PTPRG: variants seen among roughly 807,000 people sequenced by gnomAD.
The protein encoded by PTPRG is receptor-type tyrosine-protein phosphatase gamma.
PTPRG carries 102 observed loss-of-function variants against 165.3 expected under a neutral mutation model. That is an observed-to-expected ratio of 0.62 (90% CI 0.53 to 0.73). The LOEUF (loss-of-function observed/expected upper bound fraction) is 0.73, where lower values mean the gene tolerates loss of function less well. Among genes scored for constraint, PTPRG ranks in the 30% least tolerant of loss-of-function variants. The pLI is 0.00. For missense variants in PTPRG, 1,866 were observed against 1,861.4 expected (o/e 1.00, Z -0.05); for synonymous variants, 675 against 669.5 (o/e 1.01, Z -0.13).
At chr3:62,013,122 TA>T (rs1391489031) in intron 4 of PTPRG, among the ~76,000 whole-genome samples, 1 of 152,176 alleles carries the variant, frequency 6.6e-6, no homozygotes, top group Admixed American at 6.5e-5. Flanking sequence ...ATATTTACTA[TA>T]AAAGAAATTC....
At chr3:62,291,634 A>G (rs1037253767) in intron 28 of PTPRG, among the ~76,000 whole-genome samples, 1 of 152,178 alleles carries the variant, frequency 6.6e-6, no homozygotes, top group African/African-American at 2.4e-5. Flanking sequence ...AAGTTTTTCA[A>G]AAAACAATGG....
intron 1 of PTPRG, among the ~76,000 whole-genome samples, chr3:61,591,558 G>C (rs536040798): frequency 6.6e-6 from 1 of 152,278 alleles, no homozygotes; most frequent in Non-Finnish European, 1.5e-5. Context: ...GAGGGAAAAG[G>C]GACCAGTGGC....
chr3:61,919,763 C>T (rs773437288), intron 2 of PTPRG, among the ~76,000 whole-genome samples: 1 of 152,062 alleles, frequency 6.6e-6, no homozygotes, highest in Non-Finnish European at 1.5e-5. Context: ...TTCTACCTAG[C>T]CATAGAGTTT....
chr3:61,630,949 G>A (rs968329891), intron 1 of PTPRG, among the ~76,000 whole-genome samples: 1 of 151,994 alleles, frequency 6.6e-6, no homozygotes, highest in South Asian at 2.1e-4. Flanking sequence ...CCAGCTACTC[G>A]GGAGGGTGAG....
chr3:61,685,284 C>T (rs890263115), intron 1 of PTPRG, among the ~76,000 whole-genome samples: 21 of 152,170 alleles, frequency 1.4e-4, no homozygotes, highest in African/African-American at 5.1e-4. Flanking sequence ...ACATCAAATG[C>T]CTTATCGTGG....
intron 14 of PTPRG, among the ~76,000 whole-genome samples, chr3:62,231,739 G>A (rs1398173658): frequency 2.6e-5 from 4 of 151,936 alleles, no homozygotes; most frequent in Non-Finnish European, 4.4e-5. Context: ...TTGTAGATAA[G>A]TTAGGGATGA....
chr3:61,972,634 G>T (rs1019142180), intron 2 of PTPRG, among the ~76,000 whole-genome samples: 2 of 149,686 alleles, frequency 1.3e-5, no homozygotes, highest in African/African-American at 5.0e-5. Flanking sequence ...TCCCCTCTTC[G>T]TTCTTTTTCT....
At chr3:62,112,550 G>A (rs567793481) in intron 5 of PTPRG, among the ~76,000 whole-genome samples, 1 of 152,218 alleles carries the variant, frequency 6.6e-6, no homozygotes, top group African/African-American at 2.4e-5. Flanking sequence ...TAAAGCACTA[G>A]TATAGTGAAT....
At chr3:61,701,687 C>A (rs1170320809) in intron 1 of PTPRG, among the ~76,000 whole-genome samples, 2 of 152,068 alleles carry the variant, frequency 1.3e-5, no homozygotes, top group Non-Finnish European at 2.9e-5. Flanking sequence ...CCCTTGAGCC[C>A]AAGAGTTCAG....
chr3:62,189,707 T>C (rs1378451154), intron 8 of PTPRG, among the ~76,000 whole-genome samples: 4 of 152,110 alleles, frequency 2.6e-5, no homozygotes, highest in Non-Finnish European at 5.9e-5. Context: ...CCTCCACACT[T>C]GGCTTCTCTG....
chr3:61,586,443 T>A (rs773051653), intron 1 of PTPRG, among the ~76,000 whole-genome samples: 3 of 152,150 alleles, frequency 2.0e-5, no homozygotes, highest in Non-Finnish European at 4.4e-5. Flanking sequence ...TGCAGGGGAA[T>A]TGAAGGTGGT....
intron 1 of PTPRG, among the ~76,000 whole-genome samples, chr3:61,744,814 G>T (rs1434264762): frequency 8.2e-6 from 1 of 122,276 alleles, no homozygotes; most frequent in Non-Finnish European, 1.9e-5. Context: ...CTAAAGAATT[G>T]CTTATTGGTT....
At chr3:62,008,072 C>G (rs2041337689) in intron 4 of PTPRG, among the ~76,000 whole-genome samples, 1 of 152,230 alleles carries the variant, frequency 6.6e-6, no homozygotes, top group Non-Finnish European at 1.5e-5. Flanking sequence ...TGTCCAGCCA[C>G]AGTTATCTAT....
At chr3:61,862,935 G>A (rs186575742) in intron 2 of PTPRG, among the ~76,000 whole-genome samples, 2 of 152,256 alleles carry the variant, frequency 1.3e-5, no homozygotes, top group East Asian at 3.9e-4. Flanking sequence ...GGTCTTAATT[G>A]CCTCAAGTAT....
chr3:61,704,452 CTCT>C (rs2031144006), intron 1 of PTPRG, among the ~76,000 whole-genome samples: 1 of 152,114 alleles, frequency 6.6e-6, no homozygotes, highest in African/African-American at 2.4e-5. Flanking sequence ...TTGGATGACC[CTCT>C]TCTTTGAAAA....
At chr3:61,569,596 G>A (rs1006406735) in intron 1 of PTPRG, among the ~76,000 whole-genome samples, 2 of 152,206 alleles carry the variant, frequency 1.3e-5, no homozygotes, top group East Asian at 3.9e-4. Context: ...TAGGATTACA[G>A]GCCTGAGCCA....
At chr3:62,141,666 G>A (rs980983703) in intron 6 of PTPRG, among the ~76,000 whole-genome samples, 1 of 151,846 alleles carries the variant, frequency 6.6e-6, no homozygotes. Flanking sequence ...GTGGGGGGAC[G>A]AGGCTGGTGG....
intron 2 of PTPRG, among the ~76,000 whole-genome samples, chr3:61,973,555 G>A (rs1319489409): frequency 6.6e-6 from 1 of 152,162 alleles, no homozygotes; most frequent in Non-Finnish European, 1.5e-5. Context: ...TTTGGGTCCA[G>A]ATGCGGTGGC....
intron 2 of PTPRG, among the ~76,000 whole-genome samples, chr3:61,905,011 CT>C (rs973532406): frequency 1.3e-5 from 2 of 151,700 alleles, no homozygotes; most frequent in African/African-American, 2.4e-5. Context: ...GAAGGAAAGG[CT>C]TTTTTTCCCC....
Sources: gnomAD v4.1 joint callset for allele counts (sites outside exome capture counted in the v4.1 genomes callset) on GRCh38, gnomAD v4.1.1 for gene constraint, MANE v1.5 for transcripts, NCBI Gene and HGNC (gene_info 2026-07-23, HGNC 2026-07-21) for gene names.